Variants in SUPT3H observed in about 807,000 individuals in gnomAD.
The protein encoded by SUPT3H is transcription initiation protein SPT3 homolog.
A neutral mutation model predicts 44.3 loss-of-function variants in SUPT3H; 44 were observed. The ratio of observed to expected loss-of-function variants is 0.99; its 90% CI spans 0.78 to 1.28. The LOEUF (loss-of-function observed/expected upper bound fraction) is 1.28. Ranked by LOEUF, SUPT3H falls within the 50% of genes most tolerant of loss-of-function variation. SUPT3H has a pLI of 0.00. For missense variants in SUPT3H, 380 were observed against 387.1 expected (o/e 0.98, Z 0.15); for synonymous variants, 124 against 125.6 (o/e 0.99, Z 0.09).
chr6:45,300,260 C>T (rs1395422302), intron 2 of SUPT3H, among the ~76,000 whole-genome samples: 6 of 152,160 alleles, frequency 3.9e-5, no homozygotes, highest in Non-Finnish European at 8.8e-5. Context: ...CAGTTTGAAT[C>T]GTACATCACA....
At chr6:45,005,216 A>T (rs56164851) in intron 5 of SUPT3H, among the ~76,000 whole-genome samples, 9,545 of 152,260 alleles carry the variant, frequency 0.063, 428 homozygotes, top group Non-Finnish European at 0.091. Flanking sequence ...TGATTAAAAT[A>T]TTTAATTTCC....
intron 10 of SUPT3H, among the ~76,000 whole-genome samples, chr6:44,914,222 A>G (rs1237349717): frequency 6.6e-6 from 1 of 152,246 alleles, no homozygotes; most frequent in Non-Finnish European, 1.5e-5. Flanking sequence ...AAATGATTAA[A>G]GAGTTTTATC....
intron 6 of SUPT3H, among the ~76,000 whole-genome samples, chr6:44,969,628 C>G (rs528614307): frequency 6.6e-6 from 1 of 152,020 alleles, no homozygotes; most frequent in African/African-American, 2.4e-5. Context: ...AACACACATA[C>G]GCACACAAAG....
intron 2 of SUPT3H, among the ~76,000 whole-genome samples, chr6:45,157,061 T>A (rs556974381): frequency 6.6e-6 from 1 of 152,224 alleles, no homozygotes; most frequent in South Asian, 2.1e-4. Context: ...GAAAATGCAA[T>A]CATCTGGCAA....
chr6:44,828,147 C>T lies in SUPT3H; in HGVS notation c.*1669G>A, dbSNP rs1036608079. 6.6e-6 allele frequency among the ~76,000 whole-genome samples: 1 copy of T among 151,398 alleles called. No homozygotes were observed. Among genetic ancestry groups the T allele is most frequent in the African/African-American group, 2.4e-5 (1 of 41,248 alleles). The stretch of plus-strand genomic sequence containing the variant: ...AATTTTATACCATCTATAAGCCTGG[C>T]AGATCAAAACCAAATACAATAAATG... On this transcript the variant is annotated 3_prime_UTR_variant, in exon 11 of 11. Transcript: ENST00000371459.
intron 2 of SUPT3H, among the ~76,000 whole-genome samples, chr6:45,180,666 T>C (rs973084804): frequency 1.4e-4 from 21 of 152,164 alleles, no homozygotes; most frequent in Non-Finnish European, 2.2e-4. Flanking sequence ...GCTAGCCATA[T>C]GTAGAAAGCT....
At chr6:45,212,375 C>T (rs575867073) in intron 2 of SUPT3H, among the ~76,000 whole-genome samples, 159 of 152,010 alleles carry the variant, frequency 1.0e-3, no homozygotes, top group Non-Finnish European at 1.9e-3. Flanking sequence ...TGAGTTTAAG[C>T]ATTCCACTCA....
chr6:44,852,595 C>T (rs1773072349), intron 10 of SUPT3H, among the ~76,000 whole-genome samples: 1 of 152,138 alleles, frequency 6.6e-6, no homozygotes, highest in Non-Finnish European at 1.5e-5. Context: ...AAATAGTATT[C>T]ATGAACATTA....
intron 6 of SUPT3H, among the ~76,000 whole-genome samples, chr6:45,000,184 T>C (rs1383833283): frequency 6.6e-6 from 1 of 152,050 alleles, no homozygotes; most frequent in Admixed American, 6.6e-5. Context: ...CCATATATTA[T>C]AACATATTTA....
chr6:45,335,090 A>G (rs1788285814), intron 2 of SUPT3H, among the ~76,000 whole-genome samples: 1 of 151,276 alleles, frequency 6.6e-6, no homozygotes, highest in Non-Finnish European at 1.5e-5. Context: ...CTTGAAGCTA[A>G]ACAGGTATAT....
At chr6:45,019,960 T>C (rs1049502322) in intron 4 of SUPT3H, among the ~76,000 whole-genome samples, 1 of 151,924 alleles carries the variant, frequency 6.6e-6, no homozygotes, top group Non-Finnish European at 1.5e-5. Flanking sequence ...TGAAAAATAA[T>C]TATGGCAAAA....
chr6:45,284,749 C>A (rs559929516), intron 2 of SUPT3H, among the ~76,000 whole-genome samples: 3 of 152,260 alleles, frequency 2.0e-5, no homozygotes, highest in Admixed American at 6.5e-5. Flanking sequence ...TTTTATGAGG[C>A]CAGCATCATC....
chr6:45,275,968 T>C (rs1029753162), intron 2 of SUPT3H, among the ~76,000 whole-genome samples: 1 of 152,256 alleles, frequency 6.6e-6, no homozygotes. Flanking sequence ...ACCAGTATTA[T>C]CTTTTTTCTA....
intron 10 of SUPT3H, among the ~76,000 whole-genome samples, chr6:44,888,349 T>G (rs1311057505): frequency 6.6e-6 from 1 of 152,036 alleles, no homozygotes; most frequent in Non-Finnish European, 1.5e-5. Context: ...TGATGAACAT[T>G]GATGCAAAAA....
At chr6:45,008,929 T>C (rs1222606778) in intron 5 of SUPT3H, among the ~76,000 whole-genome samples, 1 of 152,050 alleles carries the variant, frequency 6.6e-6, no homozygotes, top group Non-Finnish European at 1.5e-5. Flanking sequence ...TTAGTAGAGA[T>C]GGGGTTTTAC....
chr6:45,057,582 T>G (rs561951419), intron 3 of SUPT3H, among the ~76,000 whole-genome samples: 2 of 152,278 alleles, frequency 1.3e-5, no homozygotes, highest in South Asian at 4.1e-4. Context: ...TGAGGAGGAC[T>G]CAGAGTTGAG....
intron 10 of SUPT3H, among the ~76,000 whole-genome samples, chr6:44,914,786 T>C (rs1274118950): frequency 2.0e-5 from 3 of 152,216 alleles, no homozygotes; most frequent in Non-Finnish European, 4.4e-5. Context: ...ACAAAAGTAT[T>C]GTCCTTTGCT....
At chr6:45,130,568 T>G (rs188104712) in intron 2 of SUPT3H, among the ~76,000 whole-genome samples, 2 of 151,900 alleles carry the variant, frequency 1.3e-5, no homozygotes, top group Non-Finnish European at 2.9e-5. Flanking sequence ...CTGTACTTCC[T>G]ACTGCATTTT....
intron 2 of SUPT3H, among the ~76,000 whole-genome samples, chr6:45,290,842 C>T (rs931791009): frequency 1.3e-5 from 2 of 152,126 alleles, no homozygotes; most frequent in Non-Finnish European, 2.9e-5. Flanking sequence ...CTTTTCTAGT[C>T]TCATTTCACA....
Sources: gnomAD v4.1 joint callset for allele counts (sites outside exome capture counted in the v4.1 genomes callset) on GRCh38, gnomAD v4.1.1 for gene constraint, MANE v1.5 for transcripts, NCBI Gene and HGNC (gene_info 2026-07-23, HGNC 2026-07-21) for gene names.